Variants in CDC14A observed in about 807,000 individuals in gnomAD.
CDC14A encodes the protein dual specificity protein phosphatase CDC14A.
In CDC14A, 53 loss-of-function variants were observed where a neutral mutation model predicts 74.4. That is an observed-to-expected ratio of 0.71 (90% CI 0.57 to 0.89). CDC14A has a LOEUF of 0.89. CDC14A is among the 40% of genes least tolerant of loss of function. The pLI, the probability that CDC14A is intolerant of heterozygous loss-of-function variation, is 0.00. For missense variants in CDC14A, 646 were observed against 713.7 expected, an observed-to-expected ratio of 0.91 and a Z score of 1.08; for synonymous variants, 247 against 258.4, an observed-to-expected ratio of 0.96 and a Z score of 0.43.
At chr1:100,493,613 C>A (rs367756117) in intron 11 of CDC14A, among the ~76,000 whole-genome samples, 10 of 152,348 alleles carry the variant, frequency 6.6e-5, no homozygotes, top group Admixed American at 2.0e-4. Flanking sequence ...ACTCCATGAT[C>A]CTGTGACTGT....
chr1:100,379,907 G>T (rs1182122005), intron 3 of CDC14A, among the ~76,000 whole-genome samples: 2 of 152,060 alleles, frequency 1.3e-5, no homozygotes, highest in Non-Finnish European at 2.9e-5. Context: ...GGGGAACTAA[G>T]AGTGAAAACC....
intron 15 of CDC14A, among the ~76,000 whole-genome samples, chr1:100,503,683 CAATGCA>C (rs1272045818): frequency 6.6e-6 from 1 of 152,176 alleles, no homozygotes; most frequent in Non-Finnish European, 1.5e-5. Flanking sequence ...CTGCCCTGTG[CAATGCA>C]CACACACAAG....
intron 4 of CDC14A, chr1:100,393,317 A>G (rs949931017): frequency 1.1e-5 from 12 of 1,057,960 alleles, no homozygotes; most frequent in Admixed American, 1.7e-5. Context: ...CATTACATCC[A>G]TGCTGTGACA....
intron 10 of CDC14A, among the ~76,000 whole-genome samples, chr1:100,480,476 T>C (rs1669336386): frequency 6.6e-6 from 1 of 152,128 alleles, no homozygotes; most frequent in Admixed American, 6.5e-5. Context: ...AGTATCTATT[T>C]GAATCCCTAG....
intron 4 of CDC14A, chr1:100,393,601 C>G (rs1159477453): frequency 1.4e-6 from 1 of 691,340 alleles, no homozygotes; most frequent in African/African-American, 1.7e-5. Flanking sequence ...TACTTCTCCA[C>G]CAGCACTGCA....
At chr1:100,373,911 G>A (rs542709842) in intron 2 of CDC14A, among the ~76,000 whole-genome samples, 7 of 151,794 alleles carry the variant, frequency 4.6e-5, no homozygotes, top group Non-Finnish European at 8.8e-5. Context: ...CCATTAACTC[G>A]TCATCTAGCA....
At chr1:100,502,920 C>T (rs1648905137) in intron 15 of CDC14A, among the ~76,000 whole-genome samples, 1 of 152,152 alleles carries the variant, frequency 6.6e-6, no homozygotes, top group Admixed American at 6.5e-5. Context: ...CCTTCTCCTC[C>T]CTCCTAAATT....
chr1:100,449,540 C>T (rs1250161645), intron 7 of CDC14A, among the ~76,000 whole-genome samples: 2 of 152,194 alleles, frequency 1.3e-5, no homozygotes, highest in African/African-American at 4.8e-5. Context: ...CATGCTCTTG[C>T]TCCCTCCTCC....
chr1:100,462,700 T>C lies in CDC14A; in HGVS notation c.657T>C (p.His219=), dbSNP rs1667429352. 2 of 1,614,162 alleles carry C rather than the reference T, an allele frequency of 1.2e-6. No individual in the cohort carries two copies. The highest frequency in any genetic ancestry group is 4.5e-5 in the East Asian group (2 of 44,864). Residue 219 remains histidine, a synonymous_variant, in exon 9 of 16, where the codon CAT becomes CAC. Transcript: ENST00000336454. ...CCTACTTTCCTTATTTCAAAAAGCA[T>C]AATGTGACTGCAGTTGTGAGGCTAA... ...PEAYFPYFKK[H]NVTAVVRLNK...
At chr1:100,365,976 A>G (rs894545752) in intron 2 of CDC14A, among the ~76,000 whole-genome samples, 7 of 151,642 alleles carry the variant, frequency 4.6e-5, no homozygotes, top group African/African-American at 1.7e-4. Flanking sequence ...ACACACACAC[A>G]CGGTCTCATT....
At chr1:100,359,853 G>C (rs1165965047) in intron 2 of CDC14A, among the ~76,000 whole-genome samples, 2 of 150,938 alleles carry the variant, frequency 1.3e-5, no homozygotes, top group African/African-American at 4.9e-5. Context: ...TCTAAAAGAT[G>C]GTAGTTTATA....
intron 10 of CDC14A, among the ~76,000 whole-genome samples, chr1:100,474,596 G>A (rs1023510559): frequency 2.3e-5 from 3 of 128,436 alleles, no homozygotes; most frequent in African/African-American, 8.4e-5. Flanking sequence ...TCAAAATTAT[G>A]TTTGTGGAGT....
intron 4 of CDC14A, among the ~76,000 whole-genome samples, chr1:100,412,728 T>TATATATAAA (rs1557732400): frequency 4.4e-4 from 43 of 98,200 alleles, no homozygotes; most frequent in Middle Eastern, 4.5e-3. Context: ...ATATATTTTA[T>TATATATAAA]ATATATATAT....
At chr1:100,440,384 AC>A (rs1664795409) in intron 6 of CDC14A, among the ~76,000 whole-genome samples, 1 of 152,034 alleles carries the variant, frequency 6.6e-6, no homozygotes, top group South Asian at 2.1e-4. Flanking sequence ...ACCCACTAAA[AC>A]AAAAACTCTG....
intron 10 of CDC14A, among the ~76,000 whole-genome samples, chr1:100,480,301 A>T (rs1669316086): frequency 6.6e-6 from 1 of 152,216 alleles, no homozygotes; most frequent in African/African-American, 2.4e-5. Context: ...TGCAACATTC[A>T]TCCATGTTGT....
At chr1:100,476,322 A>C (rs1013541608) in intron 10 of CDC14A, among the ~76,000 whole-genome samples, 1 of 152,186 alleles carries the variant, frequency 6.6e-6, no homozygotes, top group Non-Finnish European at 1.5e-5. Context: ...GCATGGTGGC[A>C]TGTGCCTGTA....
intron 3 of CDC14A, among the ~76,000 whole-genome samples, chr1:100,380,078 C>T (rs1655882168): frequency 6.6e-6 from 1 of 152,096 alleles, no homozygotes; most frequent in African/African-American, 2.4e-5. Context: ...AAGTCCTATA[C>T]ATAATAAAGT....
chr1:100,458,905 C>T (rs1245758972), intron 8 of CDC14A, among the ~76,000 whole-genome samples: 1 of 151,992 alleles, frequency 6.6e-6, no homozygotes, highest in Non-Finnish European at 1.5e-5. Flanking sequence ...CTAGGAGTTT[C>T]TTTTAGCCAT....
At chr1:100,486,575 TAGAC>T (rs1670034638) in intron 11 of CDC14A, among the ~76,000 whole-genome samples, 3 of 152,300 alleles carry the variant, frequency 2.0e-5, no homozygotes, top group Admixed American at 2.0e-4. Flanking sequence ...TAGTGGTTCA[TAGAC>T]AGCACCTTCT....
Sources: gnomAD v4.1 joint callset for allele counts (sites outside exome capture counted in the v4.1 genomes callset) on GRCh38, gnomAD v4.1.1 for gene constraint, MANE v1.5 for transcripts, NCBI Gene and HGNC (gene_info 2026-07-23, HGNC 2026-07-21) for gene names.